SPATS1: variants seen among roughly 807,000 people sequenced by gnomAD.
The protein encoded by SPATS1 is spermatogenesis-associated serine-rich protein 1.
SPATS1 carries 23 observed loss-of-function variants against 33.6 expected under a neutral mutation model. That is an observed-to-expected ratio of 0.68 (90% CI 0.49 to 0.97). SPATS1 has a LOEUF of 0.97. Ranked by LOEUF, SPATS1 falls within the 50% of genes least tolerant of loss-of-function variation. The pLI is 0.00. For missense variants in SPATS1, 327 were observed against 361.0 expected, an observed-to-expected ratio of 0.91 and a Z score of 0.76; for synonymous variants, 131 against 125.6, an observed-to-expected ratio of 1.04 and a Z score of -0.29.
chr6:44,364,749 G>T (rs920392003), intron 5 of SPATS1, among the ~76,000 whole-genome samples: 6 of 149,670 alleles, frequency 4.0e-5, no homozygotes, highest in East Asian at 2.0e-4. Flanking sequence ...TTTTCTTTCT[G>T]TCTTTCTTTC....
intron 7 of SPATS1, among the ~76,000 whole-genome samples, chr6:44,376,105 CAA>C (rs560465363): frequency 7.0e-6 from 1 of 142,120 alleles, no homozygotes. Flanking sequence ...GACTTTGTTT[CAA>C]AAAAAAAAAA....
At chr6:44,360,675 T>G in intron 4 of SPATS1, 105 bp downstream of exon 4, 1 of 1,355,742 alleles carries the variant, frequency 7.4e-7, no homozygotes. Context: ...GTCAAGCATT[T>G]GATGTACTTT....
At chr6:44,357,913 T>C (rs1157963126) in intron 3 of SPATS1, among the ~76,000 whole-genome samples, 3 of 152,164 alleles carry the variant, frequency 2.0e-5, no homozygotes, top group Non-Finnish European at 2.9e-5. Context: ...TAAAAATTGG[T>C]TGGAAGACAT....
In SPATS1 at chr6:44,342,866, G is replaced by C. The variant is rs1787644323; in HGVS notation, c.-1+98G>C. ...AGAAGGAGCACCTTGAGCTGGATGG[G>C]GGCTGCAGCGAGCCTGGTTCGGGCT... On this transcript the variant is annotated intron_variant, in intron 1 of 8. Coordinates refer to ENST00000674044, the MANE Select transcript of SPATS1 (RefSeq NM_001372081.1). 4 of 1,296,336 alleles carry C rather than the reference G, an allele frequency of 3.1e-6. No homozygotes were observed. The Admixed American group carries it at 6.5e-5, about 21-fold the overall frequency. 80.3% of individuals were successfully genotyped at this position (1,296,336 alleles called of 1,614,324 possible). A position where few individuals can be genotyped will look rare whatever the true frequency, so the allele number is the denominator to read the frequency against.
At chr6:44,358,293 T>A (rs1039269919) in intron 3 of SPATS1, among the ~76,000 whole-genome samples, 1 of 152,170 alleles carries the variant, frequency 6.6e-6, no homozygotes, top group Non-Finnish European at 1.5e-5. Context: ...CCTGAAAACA[T>A]TGTCCAAGGC....
At chr6:44,350,039 C>T (rs1385221045) in intron 2 of SPATS1, among the ~76,000 whole-genome samples, 1 of 152,188 alleles carries the variant, frequency 6.6e-6, no homozygotes, top group East Asian at 1.9e-4. Context: ...TGACTCCATC[C>T]CAGTTACACC....
intron 3 of SPATS1, 65 bp from the exon 4 acceptor site, chr6:44,360,381 T>G: frequency 6.2e-7 from 1 of 1,605,676 alleles, no homozygotes; most frequent in Non-Finnish European, 8.5e-7. Flanking sequence ...TAGGGTAAAC[T>G]ATGTGAGATC....
intron 7 of SPATS1, among the ~76,000 whole-genome samples, chr6:44,373,975 T>C (rs1239252253): frequency 6.6e-6 from 1 of 152,148 alleles, no homozygotes; most frequent in Non-Finnish European, 1.5e-5. Context: ...TGAGTAATCA[T>C]AAAACAATTG....
At chr6:44,360,353 C>T (rs1788836790) in intron 3 of SPATS1, 93 bp from the exon 4 acceptor site, 10 of 1,528,810 alleles carry the variant, frequency 6.5e-6, no homozygotes, top group South Asian at 2.4e-5. Context: ...TCCCAGTTCT[C>T]ATAAGCGAGG....
intron 3 of SPATS1, 71 bp from the exon 4 acceptor site, chr6:44,360,375 G>T: frequency 6.3e-7 from 1 of 1,598,854 alleles, no homozygotes. Context: ...CAATTCTAGG[G>T]TAAACTATGT....
intron 5 of SPATS1, among the ~76,000 whole-genome samples, chr6:44,366,704 A>G (rs1789271553): frequency 6.6e-6 from 1 of 152,196 alleles, no homozygotes; most frequent in Non-Finnish European, 1.5e-5. Flanking sequence ...AGAAATTTAT[A>G]CCTCAGCTAT....
chr6:44,351,932 T>C (rs1467258336), intron 2 of SPATS1, among the ~76,000 whole-genome samples: 2 of 152,200 alleles, frequency 1.3e-5, no homozygotes, highest in Non-Finnish European at 2.9e-5. Flanking sequence ...TCAGTCTTTT[T>C]ATAAACAAAT....
chr6:44,368,349 T>C, intron 5 of SPATS1, 30 bp from the exon 6 acceptor site: 1 of 1,608,940 alleles, frequency 6.2e-7, no homozygotes, highest in South Asian at 1.1e-5. Context: ...TCAGCCCTTG[T>C]ATGATTTTGT....
chr6:44,343,161 G>T lies in SPATS1; in HGVS notation c.66G>T (p.Thr22=). The T allele has an allele frequency of 6.2e-7, 1 of 1,614,098 alleles. No homozygotes were observed. Among genetic ancestry groups the T allele is most frequent in the South Asian group, 1.1e-5 (1 of 91,076 alleles). Residue 22 remains threonine, a synonymous_variant, in exon 2 of 9, where the codon ACG becomes ACT. Coordinates refer to ENST00000674044, the MANE Select transcript of SPATS1 (RefSeq NM_001372081.1). ...GCCGTCTCCCCTCCATCTCAAGCAC[G>T]ACCTGCGGCAGACAGCTGGAGAAGG... ...RGCRLPSISS[T]TCGRQLEKVP... is the part of the protein sequence containing the mutation.
At chr6:44,376,033 G>A (rs1482004339) in intron 7 of SPATS1, among the ~76,000 whole-genome samples, 3 of 152,032 alleles carry the variant, frequency 2.0e-5, no homozygotes, top group African/African-American at 7.3e-5. Context: ...TTGAATCTGC[G>A]AGGCGGAGGT....
chr6:44,370,749 T>G (rs1006710344), intron 7 of SPATS1, among the ~76,000 whole-genome samples: 5 of 152,204 alleles, frequency 3.3e-5, no homozygotes, highest in African/African-American at 1.2e-4. Context: ...CTTGAGATTT[T>G]AATGTCTTTA....
rs999338114 is a variant in SPATS1 at position 44,348,712 on chromosome 6, G to C, written c.140-4014G>C. On this transcript the variant is annotated intron_variant, in intron 2 of 8. Transcript: ENST00000674044. ...AGACAGTAGAGAAGCACTTTTGCGC[G>C]GTGGCTCACGCCTGTAATACCAGCA... Among the ~76,000 whole-genome samples, 3 of 152,290 alleles carry C rather than the reference G, an allele frequency of 2.0e-5. No individual in the cohort carries two copies. The East Asian group carries it at 5.8e-4, about 29-fold the overall frequency.
At chr6:44,368,524 T>C in intron 6 of SPATS1, 25 bp downstream of exon 6, 8 of 1,595,702 alleles carry the variant, frequency 5.0e-6, no homozygotes, top group Non-Finnish European at 6.8e-6. Flanking sequence ...ATACTAGCAT[T>C]ATATAGTTAA....
chr6:44,358,629 T>C (rs1788730272), intron 3 of SPATS1, among the ~76,000 whole-genome samples: 1 of 152,210 alleles, frequency 6.6e-6, no homozygotes, highest in Non-Finnish European at 1.5e-5. Flanking sequence ...ATTCATAAAG[T>C]TGTGCAACTA....
Sources: allele counts gnomAD v4.1 joint callset (sites outside exome capture counted in the v4.1 genomes callset), GRCh38; gene constraint gnomAD v4.1.1; transcripts MANE v1.5; gene names NCBI Gene and HGNC (gene_info 2026-07-23, HGNC 2026-07-21).